Variants in CD79A observed in about 807,000 individuals in gnomAD.
CD79A encodes the protein CD79a molecule.
A neutral mutation model predicts 27.4 loss-of-function variants in CD79A; 16 were observed. The observed-to-expected ratio is 0.58, with a 90% CI of 0.40 to 0.89. The LOEUF (loss-of-function observed/expected upper bound fraction) is 0.89. Among genes scored for constraint, CD79A ranks in the 40% least tolerant of loss-of-function variants. The pLI is 0.00. For synonymous variants in CD79A, 110 were observed against 132.7 expected, an observed-to-expected ratio of 0.83 and a Z score of 1.18; for missense variants, 237 against 299.7, an observed-to-expected ratio of 0.79 and a Z score of 1.55.
At position 41,880,678 on chromosome 19, in the gene CD79A, G is replaced by A; in HGVS notation, c.507G>A (p.Trp169Ter). ...CCCACCCACCCCTACAGAAACGATG[G>A]CAGAACGAGAAGCTCGGGTTGGATG... ...PGTLLLFRKR[W>*]QNEKLGLDAG... Residue 169 changes from tryptophan (W) to a stop codon, truncating the protein, a stop_gained, in exon 4 of 5, where the codon TGG becomes TGA. Transcript: ENST00000221972. LOFTEE classifies it high-confidence loss of function. 2 of 1,152,900 alleles carry A rather than the reference G, an allele frequency of 1.7e-6. No individual in the cohort carries two copies. Among genetic ancestry groups the A allele is most frequent in the Non-Finnish European group, 1.2e-6 (1 of 842,688 alleles). The allele number at this position is 1,152,900 out of a possible 1,614,324, so 71.4% of individuals were successfully genotyped here. A position where few individuals can be genotyped will look rare whatever the true frequency, so the allele number is the denominator to read the frequency against.
chr19:41,879,392 A>G lies in CD79A; in HGVS notation c.379+103A>G. The stretch of plus-strand genomic sequence containing the variant: ...CCAGTACCTTCAATGTGGGTTTCAA[A>G]CCGGCTTGGACAGAGGGACGGACAT... On this transcript the variant is annotated intron_variant, in intron 2 of 4. Coordinates refer to ENST00000221972, the MANE Select transcript of CD79A (RefSeq NM_001783.4). This position sits in a 1 kb window ranked among gnomAD's most constrained non-coding sequence, Gnocchi z 5.1. The G allele has an allele frequency of 7.7e-7, 1 of 1,299,102 alleles. No homozygotes were observed. The allele number at this position is 1,299,102 out of a possible 1,614,324, so 80.5% of individuals were successfully genotyped here. A position where few individuals can be genotyped will look rare whatever the true frequency, so the allele number is the denominator to read the frequency against.
Position 41,879,781 on chromosome 19 carries a change from A to G in CD79A, c.498+128A>G, listed in dbSNP as rs2074211038. 2 of 651,182 alleles carry G rather than the reference A, an allele frequency of 3.1e-6. No homozygotes were observed. Among genetic ancestry groups the G allele is most frequent in the Non-Finnish European group, 5.6e-6 (2 of 359,598 alleles). The allele number at this position is 651,182 out of a possible 1,614,324, so 40.3% of individuals were successfully genotyped here. The stretch of plus-strand genomic sequence containing the variant: ...TTGGGAGAATGAAAGCACCCACCAT[A>G]TAGGGGCTGTGGGAGTTAAATGAAT... On this transcript the variant is annotated intron_variant, in intron 3 of 4. Transcript: ENST00000221972. This position sits in a 1 kb window ranked among gnomAD's most constrained non-coding sequence, Gnocchi z 5.1.
Position 41,880,654 on chromosome 19 carries a change from CCA to C in CD79A, c.499-14_499-13del. ...CCCCCTGCTCACTGAGGCACCCACCCCACCCACCCCTACAGAAACGATGGCAG... is the reference window on the plus strand; with the variant it reads ...CCCCCTGCTCACTGAGGCACCCACCCCCCACCCCTACAGAAACGATGGCAG... On this transcript the variant is annotated splice_polypyrimidine_tract_variant and intron_variant, in intron 3 of 4. Transcript: ENST00000221972. 1 of 1,152,514 alleles carries C rather than the reference CCA, an allele frequency of 8.7e-7. No homozygotes were observed. Among genetic ancestry groups the C allele is most frequent in the Non-Finnish European group, 1.3e-6 (1 of 783,074 alleles). The allele number at this position is 1,152,514 out of a possible 1,614,324, so 71.4% of individuals were successfully genotyped here.
Position 41,880,875 on chromosome 19 carries a change from C to A in CD79A, c.576C>A (p.Asn192Lys), listed in dbSNP as rs782780474. The A allele has an allele frequency of 3.7e-6, 6 of 1,602,060 alleles. No individual in the cohort carries two copies. The highest frequency in any genetic ancestry group is 2.3e-5 in the South Asian group (2 of 88,510). ...YEDENLYEGL[N>K]LDDCSMYEDI... ...CCTCATTTCCATCCCAGGGCCTGAA[C>A]CTGGACGACTGCTCCATGTATGAGG... is the stretch of plus-strand genomic sequence containing the variant. Residue 192 changes from asparagine to lysine, a missense_variant, in exon 5 of 5, where the codon AAC becomes AAA. Transcript: ENST00000221972.
In CD79A at chr19:41,878,976, C is replaced by G; in HGVS notation, c.80-14C>G. The G allele has an allele frequency of 1.3e-6, 2 of 1,579,552 alleles. No individual in the cohort carries two copies. The highest frequency in any genetic ancestry group is 1.7e-6 in the Non-Finnish European group (2 of 1,153,356). ...ATCCCCAGTCCCTGACCCACCCACCCTGTCTCTCCACAGGCCCTGGGTGCC... is the reference window on the plus strand; with the variant it reads ...ATCCCCAGTCCCTGACCCACCCACCGTGTCTCTCCACAGGCCCTGGGTGCC... On this transcript the variant is annotated splice_polypyrimidine_tract_variant and intron_variant, in intron 1 of 4. Transcript: ENST00000221972. This position sits in a 1 kb window ranked among gnomAD's most constrained non-coding sequence, Gnocchi z 4.3.
In CD79A at chr19:41,879,143, C is replaced by T; in HGVS notation, c.233C>T (p.Pro78Leu). 1 of 1,614,118 alleles carries T rather than the reference C, an allele frequency of 6.2e-7. No individual in the cohort carries two copies. Among genetic ancestry groups the T allele is most frequent in the Non-Finnish European group, 8.5e-7 (1 of 1,180,012 alleles). The change falls in exon 2 of 5, where the codon CCT (proline) becomes CTT (leucine). Residue 78 changes from proline (P) to leucine (L), a missense_variant. Physicochemically the swap from Pro to Leu is moderately conservative, Grantham distance 98. Transcript: ENST00000221972. This position sits in a 1 kb window ranked among gnomAD's most constrained non-coding sequence, Gnocchi z 5.1. Reference sequence around the variant, plus strand: ...CTCCATGGCAACTACACGTGGCCCCCTGAGTTCTTGGGCCCGGGCGAGGAC... The same window carrying T: ...CTCCATGGCAACTACACGTGGCCCCTTGAGTTCTTGGGCCCGGGCGAGGAC... Reference protein sequence around the residue: ...RVLHGNYTWPPEFLGPGEDPN... With the variant: ...RVLHGNYTWPLEFLGPGEDPN...
chr19:41,880,457 G>GGAAGGAAGGAAGT (rs1555843988), intron 3 of CD79A, among the ~76,000 whole-genome samples: 1 of 113,132 alleles, frequency 8.8e-6, no homozygotes, highest in Admixed American at 8.1e-5. Flanking sequence ...GGAAGGGAAG[G>GGAAGGAAGGAAGT]AAGGAAGGAA....
In CD79A at chr19:41,878,999, G is replaced by A. The variant is rs1263805787; in HGVS notation, c.89G>A (p.Cys30Tyr). ...LLSAVYLGPG[C>Y]QALWMHKVPA... Reference sequence around the variant, plus strand: ...CCCTGTCTCTCCACAGGCCCTGGGTGCCAGGCCCTGTGGATGCACAAGGTC... The same window carrying A: ...CCCTGTCTCTCCACAGGCCCTGGGTACCAGGCCCTGTGGATGCACAAGGTC... The change falls in exon 2 of 5, where the codon TGC becomes TAC. Residue 30 changes from cysteine to tyrosine, a missense_variant. By Grantham distance (194) the Cys-to-Tyr change is radical. Coordinates refer to ENST00000221972, the MANE Select transcript of CD79A (RefSeq NM_001783.4). This position sits in a 1 kb window ranked among gnomAD's most constrained non-coding sequence, Gnocchi z 4.3. The A allele has an allele frequency of 9.4e-6, 15 of 1,602,766 alleles. No homozygotes were observed. The highest frequency in any genetic ancestry group is 1.1e-5 in the Non-Finnish European group (13 of 1,171,890).
Position 41,878,962 on chromosome 19 carries a change from C to CAT in CD79A, c.80-28_80-27insAT. 1 of 1,316,166 alleles carries CAT rather than the reference C, an allele frequency of 7.6e-7. No homozygotes were observed. Among genetic ancestry groups the CAT allele is most frequent in the Non-Finnish European group, 1.1e-6 (1 of 919,950 alleles). 81.5% of individuals were successfully genotyped at this position (1,316,166 alleles called of 1,614,324 possible). On this transcript the variant is annotated intron_variant, in intron 1 of 4. Coordinates refer to ENST00000221972, the MANE Select transcript of CD79A (RefSeq NM_001783.4). This position sits in a 1 kb window ranked among gnomAD's most constrained non-coding sequence, Gnocchi z 4.3. Reference sequence around the variant, plus strand: ...GGAAATGTGTCACCATCCCCAGTCCCTGACCCACCCACCCTGTCTCTCCAC... The same window carrying CAT: ...GGAAATGTGTCACCATCCCCAGTCCCATTGACCCACCCACCCTGTCTCTCCAC...
chr19:41,881,076 G>T lies in CD79A; in HGVS notation c.*96G>T. 9.8e-6 allele frequency: 8 copies of T among 814,014 alleles called. No homozygotes were observed. The highest frequency in any genetic ancestry group is 4.0e-5 in the Admixed American group (2 of 50,092). 50.4% of individuals were successfully genotyped at this position (814,014 alleles called of 1,614,324 possible). A position where few individuals can be genotyped will look rare whatever the true frequency, so the allele number is the denominator to read the frequency against. On this transcript the variant is annotated 3_prime_UTR_variant, in exon 5 of 5. Transcript: ENST00000221972. The stretch of plus-strand genomic sequence containing the variant: ...GGACATTCTCCTTTCAGCCCTTCTG[G>T]GGGCTTCCTTAGTCATATTCCCCCA...
chr19:41,877,283 C>T lies in CD79A; in HGVS notation c.-22C>T. 1 of 1,605,704 alleles carries T rather than the reference C, an allele frequency of 6.2e-7. No homozygotes were observed. The highest frequency in any genetic ancestry group is 8.5e-7 in the Non-Finnish European group (1 of 1,172,252). ...TACCCTGGGACTGCTGCAACTCAAA[C>T]TAACCAACCCACTGGGAGAAGATGC... On this transcript the variant is annotated 5_prime_UTR_variant, in exon 1 of 5. Coordinates refer to ENST00000221972, the MANE Select transcript of CD79A (RefSeq NM_001783.4). The surrounding 1 kb of genome is among the most constrained non-coding windows in gnomAD (Gnocchi z 4.1).
chr19:41,878,666 G>A lies in CD79A; in HGVS notation c.80-324G>A, dbSNP rs564906968. ...GGGCCAGAGTACAAAGTGGGTATGCGGGAGGGGGGCAAGAGATGGCGCTGC... is the reference window on the plus strand; with the variant it reads ...GGGCCAGAGTACAAAGTGGGTATGCAGGAGGGGGGCAAGAGATGGCGCTGC... On this transcript the variant is annotated intron_variant, in intron 1 of 4. Coordinates refer to ENST00000221972, the MANE Select transcript of CD79A (RefSeq NM_001783.4). This position sits in a 1 kb window ranked among gnomAD's most constrained non-coding sequence, Gnocchi z 4.3. 3.7e-4 allele frequency among the ~76,000 whole-genome samples: 57 copies of A among 152,180 alleles called. 1 individual carries two copies. The East Asian group carries it at 8.3e-3, about 22-fold the overall frequency.
At position 41,880,865 on chromosome 19, in the gene CD79A, A is replaced by G. The variant is rs1555844131; in HGVS notation, c.568-2A>G. 1.3e-6 allele frequency: 2 copies of G among 1,596,998 alleles called. No individual in the cohort carries two copies. Among genetic ancestry groups the G allele is most frequent in the Non-Finnish European group, 1.7e-6 (2 of 1,171,764 alleles). ...ATGTTCGCTGCCTCATTTCCATCCC[A>G]GGGCCTGAACCTGGACGACTGCTCC... On this transcript the variant is annotated splice_acceptor_variant, in intron 4 of 4. Transcript: ENST00000221972. LOFTEE classifies it high-confidence loss of function.
In CD79A at chr19:41,880,952, TAGG is replaced by T. The variant is rs2074220964; in HGVS notation, c.656_658del (p.Gly219del). Reference sequence around the variant, plus strand: ...TACCAGGATGTGGGCAGCCTCAACATAGGAGATGTCCAGCTGGAGAAGCCGTGA... The same window carrying T: ...TACCAGGATGTGGGCAGCCTCAACATAGATGTCCAGCTGGAGAAGCCGTGA... On this transcript the variant is annotated inframe_deletion, in exon 5 of 5. Coordinates refer to ENST00000221972, the MANE Select transcript of CD79A (RefSeq NM_001783.4). The T allele has an allele frequency of 2.5e-6, 4 of 1,587,654 alleles. No individual in the cohort carries two copies. The highest frequency in any genetic ancestry group is 1.3e-5 in the African/African-American group (1 of 74,696).
intron 3 of CD79A, 25 bp from the exon 4 acceptor site, chr19:41,880,645 G>GCGGGGGGGCC: frequency 3.5e-6 from 4 of 1,134,300 alleles, no homozygotes; most frequent in African/African-American, 3.1e-5. Context: ...GCTCACTGAG[G>GCGGGGGGGCC]CACCCACCCC....
Position 41,879,674 on chromosome 19 carries a change from G to C in CD79A, c.498+21G>C, listed in dbSNP as rs781952460. The C allele has an allele frequency of 2.6e-6, 4 of 1,538,694 alleles. No homozygotes were observed. The highest frequency in any genetic ancestry group is 3.6e-6 in the Non-Finnish European group (4 of 1,113,908). ...TCAGGGTGAGCCCCCTCGGACCTCT[G>C]AGTCAGCCGGGCGAGGGCCTGGGCC... On this transcript the variant is annotated intron_variant, in intron 3 of 4. Transcript: ENST00000221972. The surrounding 1 kb of genome is among the most constrained non-coding windows in gnomAD (Gnocchi z 5.1).
Position 41,881,105 on chromosome 19 carries a change from G to T in CD79A, c.*125G>T. ...CTTCCTTAGTCATATTCCCCCAGTGGGGGGTGGGAGGGTAACCTCACTCTT... is the reference window on the plus strand; with the variant it reads ...CTTCCTTAGTCATATTCCCCCAGTGTGGGGTGGGAGGGTAACCTCACTCTT... On this transcript the variant is annotated 3_prime_UTR_variant, in exon 5 of 5. Coordinates refer to ENST00000221972, the MANE Select transcript of CD79A (RefSeq NM_001783.4). The T allele has an allele frequency of 1.4e-6, 1 of 724,780 alleles. No homozygotes were observed. Among genetic ancestry groups the T allele is most frequent in the Non-Finnish European group, 2.4e-6 (1 of 408,638 alleles). 44.9% of individuals were successfully genotyped at this position (724,780 alleles called of 1,614,324 possible).
In CD79A at chr19:41,879,708, C is replaced by T. The variant is rs2074210664; in HGVS notation, c.498+55C>T. ...GGGCGAGGGCCTGGGCCGAGGGACC[C>T]CCAATACCCAGGTAGCCCTCTAGAG... On this transcript the variant is annotated intron_variant, in intron 3 of 4. Coordinates refer to ENST00000221972, the MANE Select transcript of CD79A (RefSeq NM_001783.4). This position sits in a 1 kb window ranked among gnomAD's most constrained non-coding sequence, Gnocchi z 5.1. 5.8e-6 allele frequency: 7 copies of T among 1,204,720 alleles called. No individual in the cohort carries two copies. The South Asian group carries it at 6.2e-5, about 11-fold the overall frequency. 74.6% of individuals were successfully genotyped at this position (1,204,720 alleles called of 1,614,324 possible). A position where few individuals can be genotyped will look rare whatever the true frequency, so the allele number is the denominator to read the frequency against.
At position 41,879,705 on chromosome 19, in the gene CD79A, A is replaced by AC. The variant is rs782033774; in HGVS notation, c.498+57dup. The AC allele has an allele frequency of 2.5e-6, 3 of 1,214,432 alleles. No individual in the cohort carries two copies. In the South Asian group the frequency reaches 3.7e-5, roughly 15 times the overall value. The allele number at this position is 1,214,432 out of a possible 1,614,324, so 75.2% of individuals were successfully genotyped here. A position where few individuals can be genotyped will look rare whatever the true frequency, so the allele number is the denominator to read the frequency against. ...GCCGGGCGAGGGCCTGGGCCGAGGG[A>AC]CCCCCAATACCCAGGTAGCCCTCTA... On this transcript the variant is annotated intron_variant, in intron 3 of 4. Coordinates refer to ENST00000221972, the MANE Select transcript of CD79A (RefSeq NM_001783.4). The surrounding 1 kb of genome is among the most constrained non-coding windows in gnomAD (Gnocchi z 5.1).
Sources: gnomAD v4.1 joint callset for allele counts (sites outside exome capture counted in the v4.1 genomes callset) on GRCh38, gnomAD v4.1.1 for gene constraint, Gnocchi (gnomAD v3.1) non-coding constraint, MANE v1.5 for transcripts, NCBI Gene and HGNC (gene_info 2026-07-23, HGNC 2026-07-21) for gene names.